Variants in APBA2 observed in about 807,000 individuals in gnomAD.
APBA2 encodes the protein amyloid beta precursor protein binding family A member 2, also known as amyloid-beta A4 precursor protein-binding family A member 2.
Under a neutral mutation model 75.0 loss-of-function variants are expected in APBA2, and 30 were observed. The observed-to-expected ratio is 0.40, with a 90% CI of 0.30 to 0.54. The LOEUF is 0.54. Among genes scored for constraint, APBA2 ranks in the 20% least tolerant of loss-of-function variants. The pLI, the probability that APBA2 is intolerant of heterozygous loss-of-function variation, is 0.49. For missense variants in APBA2, 801 were observed against 1,016.1 expected (o/e 0.79, Z 2.88); for synonymous variants, 444 against 409.6 (o/e 1.08, Z -1.01).
At chr15:28,923,495 GAAC>G (rs2034086710) in intron 2 of APBA2, among the ~76,000 whole-genome samples, 1 of 145,636 alleles carries the variant, frequency 6.9e-6, no homozygotes, top group Non-Finnish European at 1.5e-5. Context: ...CATGATGCAG[GAAC>G]AAGCATCCCC....
rs149482618 is a variant in APBA2, at chr15:29,054,334, C to T, written c.450C>T (p.His150=). 1.6e-4 allele frequency: 258 copies of T among 1,613,998 alleles called. No individual in the cohort carries two copies. In the African/African-American group the frequency reaches 1.9e-3, roughly 12 times the overall value. Residue 150 remains histidine (H), a synonymous_variant, in exon 4 of 15, where the codon CAC becomes CAT. Coordinates refer to ENST00000683413, the MANE Select transcript of APBA2 (RefSeq NM_001353788.2). The surrounding 1 kb of genome is among the most constrained non-coding windows in gnomAD (Gnocchi z 6.1). ...CGGACTCGGCGGGCCCGCACCCCCA[C>T]GGCCACGAGGCTGAAGGCAGCCAGG... ...EWTDSAGPHP[H]GHEAEGSQDY...
At chr15:29,058,002 C>T (rs1224063257) in intron 4 of APBA2, among the ~76,000 whole-genome samples, 1 of 152,166 alleles carries the variant, frequency 6.6e-6, no homozygotes, top group Admixed American at 6.5e-5. Context: ...GTAGGTGTGA[C>T]TTCCTGTTGC....
chr15:29,001,662 G>C (rs2038854404), intron 3 of APBA2, among the ~76,000 whole-genome samples: 2 of 152,236 alleles, frequency 1.3e-5, no homozygotes, highest in Admixed American at 6.5e-5. Flanking sequence ...CCCTGGAAGA[G>C]GCAAAGAGAG....
intron 3 of APBA2, among the ~76,000 whole-genome samples, chr15:29,024,979 G>A (rs2040142219): frequency 6.6e-6 from 1 of 152,194 alleles, no homozygotes; most frequent in Non-Finnish European, 1.5e-5. Flanking sequence ...TTGTCCCATG[G>A]AGGAGGAAGG....
At chr15:28,916,924 A>C (rs1294146863) in intron 1 of APBA2, among the ~76,000 whole-genome samples, 3 of 152,226 alleles carry the variant, frequency 2.0e-5, no homozygotes, top group African/African-American at 7.2e-5. Flanking sequence ...ATTTTTGGGC[A>C]CAAGGATATG....
At chr15:29,003,573 G>A (rs1595702646) in intron 3 of APBA2, among the ~76,000 whole-genome samples, 2 of 152,334 alleles carry the variant, frequency 1.3e-5, no homozygotes, top group East Asian at 3.9e-4. Flanking sequence ...AGTAGGGGAT[G>A]GATAGGAGAA....
chr15:28,992,833 G>C (rs2038306916), intron 2 of APBA2, among the ~76,000 whole-genome samples: 1 of 152,232 alleles, frequency 6.6e-6, no homozygotes, highest in South Asian at 2.1e-4. Flanking sequence ...AAAGACCTGT[G>C]AATGGCTACA....
At chr15:28,946,578 C>T (rs1032459860) in intron 2 of APBA2, among the ~76,000 whole-genome samples, 1 of 152,040 alleles carries the variant, frequency 6.6e-6, no homozygotes, top group Non-Finnish European at 1.5e-5. Context: ...TATTTTCTTT[C>T]TTTTCTTTTC....
chr15:28,936,460 C>T (rs1001215538), intron 2 of APBA2, among the ~76,000 whole-genome samples: 2 of 152,214 alleles, frequency 1.3e-5, no homozygotes, highest in African/African-American at 4.8e-5. Flanking sequence ...CTGTTCAGGT[C>T]AGAAGGGGGT....
At chr15:29,101,807 A>G (rs2044141270) in intron 10 of APBA2, 23 bp downstream of exon 10, 1 of 1,607,472 alleles carries the variant, frequency 6.2e-7, no homozygotes, top group East Asian at 2.2e-5. Context: ...TTGCCAGGGC[A>G]CTCCCCTCCC....
intron 4 of APBA2, among the ~76,000 whole-genome samples, chr15:29,065,009 G>C (rs1380203902): frequency 6.6e-6 from 1 of 151,916 alleles, no homozygotes; most frequent in African/African-American, 2.4e-5. Context: ...CTCATAGTGT[G>C]TGTGTGTGTG....
At chr15:29,079,055 G>A (rs960010003) in intron 6 of APBA2, among the ~76,000 whole-genome samples, 11 of 152,166 alleles carry the variant, frequency 7.2e-5, no homozygotes, top group Admixed American at 2.0e-4. Context: ...TGCGGGGCAG[G>A]GCATCCAGGG....
At chr15:28,925,330 A>G in intron 2 of APBA2, among the ~76,000 whole-genome samples, 1 of 152,188 alleles carries the variant, frequency 6.6e-6, no homozygotes. Flanking sequence ...AGGCAGTGGT[A>G]TGTCATTTTC....
intron 3 of APBA2, among the ~76,000 whole-genome samples, chr15:29,003,514 C>T (rs2038957432): frequency 6.6e-6 from 1 of 152,200 alleles, no homozygotes; most frequent in Admixed American, 6.5e-5. Context: ...AGGACATCAA[C>T]CTGCGGAGTC....
intron 6 of APBA2, among the ~76,000 whole-genome samples, chr15:29,081,196 G>A (rs1237826769): frequency 1.3e-5 from 2 of 152,162 alleles, no homozygotes; most frequent in Non-Finnish European, 2.9e-5. Context: ...GGCAGTTGGG[G>A]TGAACCTGTT....
At chr15:29,091,958 C>T (rs898484873) in intron 6 of APBA2, among the ~76,000 whole-genome samples, 2 of 152,144 alleles carry the variant, frequency 1.3e-5, no homozygotes, top group Admixed American at 1.3e-4. Flanking sequence ...GGGGCTCTGG[C>T]CAGGAGGTGG....
At position 29,117,362 on chromosome 15, in the gene APBA2, C is replaced by CAAGT. The variant is rs1555419081; in HGVS notation, c.*231_*234dup. The stretch of plus-strand genomic sequence containing the variant: ...ACAAATGTTTGTTTGTAAAGCGTTC[C>CAAGT]AAGTATTTTGCCACGTTCTGGACTG... On this transcript the variant is annotated 3_prime_UTR_variant, in exon 15 of 15. Coordinates refer to ENST00000683413, the MANE Select transcript of APBA2 (RefSeq NM_001353788.2). 1.7e-6 allele frequency: 1 copy of CAAGT among 592,096 alleles called. No homozygotes were observed. Among genetic ancestry groups the CAAGT allele is most frequent in the South Asian group, 2.0e-5 (1 of 50,524 alleles). 36.7% of individuals were successfully genotyped at this position (592,096 alleles called of 1,614,324 possible). A position where few individuals can be genotyped will look rare whatever the true frequency, so the allele number is the denominator to read the frequency against.
chr15:29,091,066 G>A (rs557509536), intron 6 of APBA2, among the ~76,000 whole-genome samples: 2 of 152,224 alleles, frequency 1.3e-5, no homozygotes, highest in East Asian at 3.9e-4. Context: ...CTGGTGACAG[G>A]AGAATCCCGG....
intron 3 of APBA2, among the ~76,000 whole-genome samples, chr15:29,042,207 G>A (rs891423129): frequency 6.6e-6 from 1 of 152,130 alleles, no homozygotes; most frequent in African/African-American, 2.4e-5. Flanking sequence ...GTCCTATTGG[G>A]TTAGGGCCTA....
Sources: gnomAD v4.1 joint callset for allele counts (sites outside exome capture counted in the v4.1 genomes callset) on GRCh38, gnomAD v4.1.1 for gene constraint, Gnocchi (gnomAD v3.1) non-coding constraint, MANE v1.5 for transcripts, NCBI Gene and HGNC (gene_info 2026-07-23, HGNC 2026-07-21) for gene names.